The following HDAC4 variants were observed in gnomAD, a reference collection of about 807,000 sequenced individuals.
HDAC4 encodes the protein histone deacetylase 4, also known as histone deacetylase A.
HDAC4 carries 16 observed loss-of-function variants against 135.1 expected under a neutral mutation model. The ratio of observed to expected loss-of-function variants is 0.12; its 90% confidence interval spans 0.08 to 0.18. HDAC4 has a LOEUF of 0.18. HDAC4 is among the 10% of genes least tolerant of loss of function. The pLI is 1.00. For synonymous variants in HDAC4, 685 were observed against 653.4 expected (o/e 1.05, Z -0.74); for missense variants, 1,143 against 1,511.8 (o/e 0.76, Z 4.05).
At chr2:239,283,182 AG>A (rs1306133984) in intron 2 of HDAC4, among the ~76,000 whole-genome samples, 1 of 152,256 alleles carries the variant, frequency 6.6e-6, no homozygotes, top group Non-Finnish European at 1.5e-5. Flanking sequence ...GCTCTACAAG[AG>A]GACACCACGG....
intron 3 of HDAC4, among the ~76,000 whole-genome samples, chr2:239,210,698 A>C (rs1434891962): frequency 6.6e-6 from 1 of 152,218 alleles, no homozygotes; most frequent in African/African-American, 2.4e-5. Flanking sequence ...AGGAAACGCC[A>C]GTTTAGAGGA....
At chr2:239,088,523 G>A (rs529223057) in intron 18 of HDAC4, among the ~76,000 whole-genome samples, 2 of 152,364 alleles carry the variant, frequency 1.3e-5, no homozygotes, top group East Asian at 1.9e-4. Flanking sequence ...TGTAGTCCAC[G>A]TAGTCCTGAG....
intron 6 of HDAC4, among the ~76,000 whole-genome samples, chr2:239,161,211 A>G (rs911222411): frequency 6.6e-6 from 1 of 152,166 alleles, no homozygotes; most frequent in Non-Finnish European, 1.5e-5. Context: ...AGATATACGC[A>G]TTGTGAATAT....
At chr2:239,353,154 C>T (rs1693270429) in intron 1 of HDAC4, among the ~76,000 whole-genome samples, 1 of 152,184 alleles carries the variant, frequency 6.6e-6, no homozygotes, top group South Asian at 2.1e-4. Flanking sequence ...GCTGGGAACA[C>T]AGGTGCATGC....
At chr2:239,283,638 T>C (rs962759851) in intron 2 of HDAC4, among the ~76,000 whole-genome samples, 7 of 152,344 alleles carry the variant, frequency 4.6e-5, no homozygotes, top group Non-Finnish European at 2.9e-5. Context: ...TTTGTTTTAA[T>C]GTGACTTATT....
chr2:239,113,414 G>A (rs527544058), intron 13 of HDAC4, among the ~76,000 whole-genome samples: 9 of 152,348 alleles, frequency 5.9e-5, no homozygotes, highest in Admixed American at 1.3e-4. Flanking sequence ...GGCCCCACGC[G>A]GTTAAGTGGT....
At chr2:239,317,806 G>A (rs529585295) in intron 2 of HDAC4, among the ~76,000 whole-genome samples, 66 of 152,276 alleles carry the variant, frequency 4.3e-4, no homozygotes, top group Non-Finnish European at 6.9e-4. Flanking sequence ...AATGCCAGTC[G>A]TTTGACTATA....
In HDAC4 at chr2:239,306,336, C is replaced by G. The variant is rs1219107269; in HGVS notation, c.22+46342G>C. Among the ~76,000 whole-genome samples, 1 of 152,166 alleles carries G rather than the reference C, an allele frequency of 6.6e-6. No individual in the cohort carries two copies. Among genetic ancestry groups the G allele is most frequent in the Non-Finnish European group, 1.5e-5 (1 of 68,016 alleles). On this transcript the variant is annotated intron_variant, in intron 2 of 26. Coordinates refer to ENST00000543185, the MANE Select transcript of HDAC4 (RefSeq NM_001378414.1). This position sits in a 1 kb window ranked among gnomAD's most constrained non-coding sequence, Gnocchi z 4.5. Reference sequence around the variant, plus strand: ...TGGGTGAGCTCCCACCCAGGTCCAGCAAGTCAGTGACTACAACAGAGGACA... The same window carrying G: ...TGGGTGAGCTCCCACCCAGGTCCAGGAAGTCAGTGACTACAACAGAGGACA...
rs117716316 is a variant in HDAC4, at chr2:239,095,476, G to C, written c.2234-420C>G. On this transcript the variant is annotated intron_variant, in intron 16 of 26. Transcript: ENST00000543185. Reference sequence around the variant, plus strand: ...GTGAGCTCCTAGGGCTTGTCTAGCAGCCCCCTCCCATGGCAAACAAGGGGC... The same window carrying C: ...GTGAGCTCCTAGGGCTTGTCTAGCACCCCCCTCCCATGGCAAACAAGGGGC... 1.9e-3 allele frequency among the ~76,000 whole-genome samples: 294 copies of C among 152,286 alleles called. 5 individuals carry two copies. In the East Asian group the frequency reaches 0.044, roughly 23 times the overall value.
chr2:239,076,458 T>A (rs545388377), intron 22 of HDAC4, among the ~76,000 whole-genome samples: 2 of 152,242 alleles, frequency 1.3e-5, no homozygotes, highest in Admixed American at 6.5e-5. Context: ...AACAGCTGGG[T>A]TTCAACATCT....
chr2:239,367,337 C>T (rs937137898), intron 1 of HDAC4, among the ~76,000 whole-genome samples: 1 of 152,220 alleles, frequency 6.6e-6, no homozygotes, highest in African/African-American at 2.4e-5. Context: ...TGATGCCTCT[C>T]TTCTCACGAC....
intron 3 of HDAC4, among the ~76,000 whole-genome samples, chr2:239,211,290 A>G (rs1486485953): frequency 1.3e-5 from 2 of 152,186 alleles, no homozygotes; most frequent in Non-Finnish European, 2.9e-5. Context: ...ACAATACAAA[A>G]TCACTAAGCA....
chr2:239,367,504 T>C (rs1694299740), intron 1 of HDAC4, among the ~76,000 whole-genome samples: 1 of 152,158 alleles, frequency 6.6e-6, no homozygotes, highest in Non-Finnish European at 1.5e-5. Flanking sequence ...GCATCCCTAA[T>C]CTAAGAATCC....
intron 26 of HDAC4, 61 bp downstream of exon 26, chr2:239,053,399 G>T: frequency 6.3e-7 from 1 of 1,588,448 alleles, no homozygotes; most frequent in Non-Finnish European, 8.6e-7. Context: ...CCTGAATAGT[G>T]TGTCAGTGGG....
At chr2:239,075,178 C>T (rs961768471) in intron 22 of HDAC4, among the ~76,000 whole-genome samples, 7 of 132,236 alleles carry the variant, frequency 5.3e-5, no homozygotes, top group East Asian at 4.9e-4. Context: ...GAGCCGAGAT[C>T]GCGCCACTGC....
chr2:239,123,921 A>C (rs1283827955), intron 12 of HDAC4, among the ~76,000 whole-genome samples: 1 of 150,334 alleles, frequency 6.7e-6, no homozygotes, highest in East Asian at 2.0e-4. Flanking sequence ...CCAATTTTTC[A>C]CCCTCAGGAA....
intron 4 of HDAC4, among the ~76,000 whole-genome samples, chr2:239,184,499 T>TG (rs67387198): frequency 7.1e-5 from 7 of 98,988 alleles, no homozygotes; most frequent in African/African-American, 1.9e-4. Context: ...CTGTGCCCTA[T>TG]GGGGGGGGGT....
chr2:239,397,333 G>C (rs1696628538), intron 1 of HDAC4, among the ~76,000 whole-genome samples: 1 of 152,186 alleles, frequency 6.6e-6, no homozygotes, highest in South Asian at 2.1e-4. Context: ...CACCTACATG[G>C]TGAGTGCATG....
chr2:239,205,681 A>AAGGAAGAGG (rs1231602618), intron 3 of HDAC4, among the ~76,000 whole-genome samples: 5 of 151,558 alleles, frequency 3.3e-5, no homozygotes, highest in Non-Finnish European at 7.4e-5. Context: ...AAGAAAGAAG[A>AAGGAAGAGG]AGGAAGAGGA....
Sources: allele counts gnomAD v4.1 joint callset (sites outside exome capture counted in the v4.1 genomes callset), GRCh38; gene constraint gnomAD v4.1.1; non-coding constraint Gnocchi (gnomAD v3.1); transcripts MANE v1.5; gene names NCBI Gene and HGNC (gene_info 2026-07-23, HGNC 2026-07-21).